MCTP1: variants seen among roughly 807,000 people sequenced by gnomAD.
MCTP1 encodes the protein multiple C2 and transmembrane domain-containing protein 1.
MCTP1 carries 69 observed loss-of-function variants against 120.6 expected under a neutral mutation model. The ratio of observed to expected loss-of-function variants is 0.57; its 90% confidence interval spans 0.47 to 0.70. MCTP1 has a LOEUF of 0.70. MCTP1 is among the 30% of genes least tolerant of loss of function. The pLI is 0.00. For synonymous variants in MCTP1, 529 were observed against 493.1 expected, an observed-to-expected ratio of 1.07 and a Z score of -0.96; for missense variants, 1,203 against 1,248.8, an observed-to-expected ratio of 0.96 and a Z score of 0.55.
intron 1 of MCTP1, among the ~76,000 whole-genome samples, chr5:95,186,554 A>T (rs1749232436): frequency 6.6e-6 from 1 of 152,198 alleles, no homozygotes; most frequent in Admixed American, 6.5e-5. Context: ...TTGTTCATGG[A>T]TTGGAAAACT....
intron 17 of MCTP1, among the ~76,000 whole-genome samples, chr5:94,841,665 T>C (rs1217640152): frequency 2.0e-5 from 3 of 152,204 alleles, no homozygotes; most frequent in South Asian, 2.1e-4. Context: ...TATGCATATA[T>C]GTTCCCCACA....
intron 1 of MCTP1, among the ~76,000 whole-genome samples, chr5:95,027,041 TA>T (rs1839391849): frequency 6.6e-6 from 1 of 152,214 alleles, no homozygotes; most frequent in Non-Finnish European, 1.5e-5. Context: ...CAAAGCTTTT[TA>T]AAACCTAATT....
rs528534283 is a variant in MCTP1 at position 94,716,748 on chromosome 5, T to C, written c.2611-1862A>G. Among the ~76,000 whole-genome samples the C allele has an allele frequency of 1.4e-4, 21 of 146,074 alleles. No homozygotes were observed. The East Asian group carries it at 3.9e-3, about 27-fold the overall frequency. ...CTCAGCAGGAAATTTACGAAATATA[T>C]AAAAAGTTTTTTTTTTTTTAGTTGA... is the stretch of plus-strand genomic sequence containing the variant. On this transcript the variant is annotated intron_variant, in intron 19 of 22. Transcript: ENST00000515393.
intron 19 of MCTP1, among the ~76,000 whole-genome samples, chr5:94,719,913 T>C (rs1194594584): frequency 6.6e-6 from 1 of 152,118 alleles, no homozygotes; most frequent in South Asian, 2.1e-4. Flanking sequence ...GCAGATCACC[T>C]GGGGTCAGGT....
chr5:95,212,779 T>C (rs868182706), intron 1 of MCTP1, among the ~76,000 whole-genome samples: 11 of 152,080 alleles, frequency 7.2e-5, no homozygotes, highest in Non-Finnish European at 1.0e-4. Flanking sequence ...ATTATCTCAA[T>C]AGATGCAGAA....
intron 22 of MCTP1, 177 bp downstream of exon 22, chr5:94,708,335 C>CTT: frequency 2.1e-6 from 1 of 474,228 alleles, no homozygotes. Flanking sequence ...TCTGTAAGTG[C>CTT]TTCTTGGATA....
At chr5:95,136,869 A>C (rs1759490996) in intron 1 of MCTP1, among the ~76,000 whole-genome samples, 1 of 152,200 alleles carries the variant, frequency 6.6e-6, no homozygotes. Context: ...CCTTTCAGTC[A>C]ACAAAGAGTA....
At chr5:95,195,379 T>C (rs1750266016) in intron 1 of MCTP1, among the ~76,000 whole-genome samples, 1 of 151,892 alleles carries the variant, frequency 6.6e-6, no homozygotes, top group Non-Finnish European at 1.5e-5. Context: ...AGTGAGACGG[T>C]GTTTCATGTC....
intron 1 of MCTP1, among the ~76,000 whole-genome samples, chr5:95,089,879 T>A (rs531122416): frequency 6.6e-6 from 1 of 152,332 alleles, no homozygotes; most frequent in East Asian, 1.9e-4. Flanking sequence ...TCATTTTTGC[T>A]CAACACAATT....
At chr5:95,257,228 C>A (rs1023889316) in intron 1 of MCTP1, among the ~76,000 whole-genome samples, 3 of 152,106 alleles carry the variant, frequency 2.0e-5, no homozygotes, top group African/African-American at 4.8e-5. Context: ...CAGTTTCTGG[C>A]TCAATTCCTT....
chr5:94,902,560 G>A (rs919922807), intron 10 of MCTP1, among the ~76,000 whole-genome samples: 1 of 152,046 alleles, frequency 6.6e-6, no homozygotes, highest in African/African-American at 2.4e-5. Flanking sequence ...AATAATACAT[G>A]TATGAAGCTT....
intron 2 of MCTP1, among the ~76,000 whole-genome samples, chr5:94,955,454 T>C (rs28767821): frequency 0.023 from 3,489 of 152,254 alleles, 47 homozygotes; most frequent in Non-Finnish European, 0.036. Context: ...AAAGCCAGGT[T>C]GCCGAGTGGT....
At chr5:95,260,051 T>C (rs980243871) in intron 1 of MCTP1, among the ~76,000 whole-genome samples, 1 of 152,144 alleles carries the variant, frequency 6.6e-6, no homozygotes, top group Non-Finnish European at 1.5e-5. Context: ...ATGGTGGGTG[T>C]GGTTTTTATT....
intron 1 of MCTP1, among the ~76,000 whole-genome samples, chr5:95,187,116 A>C (rs775433192): frequency 9.9e-5 from 15 of 152,212 alleles, no homozygotes; most frequent in Non-Finnish European, 1.8e-4. Flanking sequence ...ACCCAAAAGA[A>C]AGGAAAGCAG....
chr5:94,859,401 T>C (rs1404016404), intron 17 of MCTP1, among the ~76,000 whole-genome samples: 1 of 151,710 alleles, frequency 6.6e-6, no homozygotes, highest in Non-Finnish European at 1.5e-5. Context: ...ATGGTGACTA[T>C]AATTAGCAAC....
chr5:95,129,073 T>C (rs895228737), intron 1 of MCTP1, among the ~76,000 whole-genome samples: 1 of 152,008 alleles, frequency 6.6e-6, no homozygotes, highest in African/African-American at 2.4e-5. Context: ...ATTGGGAAAA[T>C]GAAATTAGAT....
intron 2 of MCTP1, among the ~76,000 whole-genome samples, chr5:95,014,652 T>C (rs1415949549): frequency 6.6e-6 from 1 of 152,146 alleles, no homozygotes; most frequent in Non-Finnish European, 1.5e-5. Flanking sequence ...TTCCTAGCCA[T>C]AAAATACTCC....
At chr5:95,038,103 C>T in intron 1 of MCTP1, 1 of 984,630 alleles carries the variant, frequency 1.0e-6, no homozygotes, top group Non-Finnish European at 1.2e-6. Context: ...CGAACAATCT[C>T]ATGGTCACAG....
intron 9 of MCTP1, among the ~76,000 whole-genome samples, chr5:94,910,898 GATGA>G (rs1275520286): frequency 4.6e-5 from 7 of 152,116 alleles, no homozygotes; most frequent in African/African-American, 1.7e-4. Context: ...ATCAGGCTCA[GATGA>G]ACTTCTGTGG....
Sources: allele counts gnomAD v4.1 joint callset (sites outside exome capture counted in the v4.1 genomes callset), GRCh38; gene constraint gnomAD v4.1.1; transcripts MANE v1.5; gene names NCBI Gene and HGNC (gene_info 2026-07-23, HGNC 2026-07-21).